THSD4: variants seen among roughly 807,000 people sequenced by gnomAD.
THSD4 encodes thrombospondin type-1 domain-containing protein 4.
Under a neutral mutation model 119.0 loss-of-function variants are expected in THSD4, and 69 were observed. That is an observed-to-expected ratio of 0.58 (90% CI 0.48 to 0.71). The LOEUF is 0.71. Among genes scored for constraint, THSD4 ranks in the 30% least tolerant of loss-of-function variants. THSD4 has a pLI of 0.00. For missense variants in THSD4, 1,393 were observed against 1,391.1 expected, an observed-to-expected ratio of 1.00 and a Z score of -0.02; for synonymous variants, 524 against 540.4, an observed-to-expected ratio of 0.97 and a Z score of 0.42.
At chr15:71,147,391 G>A (rs1433870323) in intron 2 of THSD4, among the ~76,000 whole-genome samples, 2 of 151,970 alleles carry the variant, frequency 1.3e-5, no homozygotes, top group Non-Finnish European at 2.9e-5. Flanking sequence ...AAATTTTTTT[G>A]TAGAGATGTG....
Position 71,115,872 on chromosome 15 carries a change from C to T in THSD4, c.-80+174C>T, listed in dbSNP as rs1312471767. 2.0e-5 allele frequency among the ~76,000 whole-genome samples: 3 copies of T among 151,942 alleles called. No homozygotes were observed. The highest frequency in any genetic ancestry group is 7.2e-5 in the African/African-American group (3 of 41,432). ...CTGCGCCGCTCCGGGCTCGGGGAGCCAGCGCGCGCCTGGTCCGTGCGGACG... is the reference window on the plus strand; with the variant it reads ...CTGCGCCGCTCCGGGCTCGGGGAGCTAGCGCGCGCCTGGTCCGTGCGGACG... On this transcript the variant is annotated intron_variant, in intron 1 of 17. Transcript: ENST00000261862. The surrounding 1 kb of genome is among the most constrained non-coding windows in gnomAD (Gnocchi z 4.4).
chr15:71,761,067 G>A (rs1195208232), intron 15 of THSD4, among the ~76,000 whole-genome samples: 1 of 151,974 alleles, frequency 6.6e-6, no homozygotes, highest in Non-Finnish European at 1.5e-5. Context: ...TATATTTATT[G>A]TAATCACTTA....
chr15:71,246,592 C>T (rs780729976), intron 5 of THSD4, among the ~76,000 whole-genome samples: 12 of 152,040 alleles, frequency 7.9e-5, no homozygotes, highest in African/African-American at 1.2e-4. Flanking sequence ...TTATGTCTTC[C>T]GATGTGCATG....
chr15:71,188,501 G>A (rs1351481115), intron 3 of THSD4, among the ~76,000 whole-genome samples: 1 of 152,104 alleles, frequency 6.6e-6, no homozygotes, highest in Non-Finnish European at 1.5e-5. Flanking sequence ...AAATAGCCAA[G>A]GTGAACAGGA....
chr15:71,239,289 C>T (rs1298196868), intron 4 of THSD4, among the ~76,000 whole-genome samples: 1 of 152,190 alleles, frequency 6.6e-6, no homozygotes, highest in Non-Finnish European at 1.5e-5. Flanking sequence ...ACATTACTCT[C>T]AGGTTCCTAC....
chr15:71,459,461 G>A (rs1483938823), intron 7 of THSD4, among the ~76,000 whole-genome samples: 1 of 150,832 alleles, frequency 6.6e-6, no homozygotes, highest in African/African-American at 2.4e-5. Context: ...CAGCAAAAAG[G>A]CCCAGAACTG....
intron 6 of THSD4, among the ~76,000 whole-genome samples, chr15:71,267,615 T>A (rs924856920): frequency 6.6e-6 from 1 of 151,982 alleles, no homozygotes; most frequent in Admixed American, 6.6e-5. Context: ...CATAACAATA[T>A]TAATCTTAAA....
At chr15:71,753,329 A>C (rs2053483706) in intron 14 of THSD4, among the ~76,000 whole-genome samples, 1 of 152,188 alleles carries the variant, frequency 6.6e-6, no homozygotes, top group African/African-American at 2.4e-5. Context: ...CACAACAGGA[A>C]AAAAACACTT....
intron 4 of THSD4, among the ~76,000 whole-genome samples, chr15:71,237,550 C>T (rs2044115611): frequency 6.6e-6 from 1 of 152,196 alleles, no homozygotes; most frequent in Non-Finnish European, 1.5e-5. Flanking sequence ...ACATCAGCTT[C>T]ATCTGGGAGC....
At chr15:71,291,035 A>G (rs923822987) in intron 6 of THSD4, among the ~76,000 whole-genome samples, 11 of 152,002 alleles carry the variant, frequency 7.2e-5, no homozygotes, top group African/African-American at 2.7e-4. Flanking sequence ...ATTTTTCTAG[A>G]CAATGTGAAT....
chr15:71,713,915 C>G (rs1038773268), intron 8 of THSD4, among the ~76,000 whole-genome samples: 1 of 152,104 alleles, frequency 6.6e-6, no homozygotes, highest in African/African-American at 2.4e-5. Context: ...CTGTGAGAAG[C>G]TGACTGTCCA....
At chr15:71,755,899 A>G (rs1244658436) in intron 14 of THSD4, among the ~76,000 whole-genome samples, 1 of 152,104 alleles carries the variant, frequency 6.6e-6, no homozygotes, top group African/African-American at 2.4e-5. Flanking sequence ...TGATCTGTCC[A>G]GTGAAGGGAA....
intron 5 of THSD4, among the ~76,000 whole-genome samples, chr15:71,246,292 C>T (rs549037154): frequency 6.6e-6 from 1 of 152,054 alleles, no homozygotes; most frequent in Non-Finnish European, 1.5e-5. Flanking sequence ...GGCATACCCC[C>T]CTTTAGATAG....
At chr15:71,658,175 C>T (rs1187864962) in intron 7 of THSD4, among the ~76,000 whole-genome samples, 2 of 152,188 alleles carry the variant, frequency 1.3e-5, no homozygotes, top group Non-Finnish European at 2.9e-5. Context: ...CTTCTCCAGA[C>T]ATCTGGGGGT....
chr15:71,428,277 C>T (rs1003559320), intron 7 of THSD4, among the ~76,000 whole-genome samples: 4 of 152,100 alleles, frequency 2.6e-5, no homozygotes, highest in African/African-American at 4.8e-5. Flanking sequence ...CATAATAAAA[C>T]TTTAGAAAAC....
At chr15:71,674,545 A>G (rs2051599818) in intron 8 of THSD4, among the ~76,000 whole-genome samples, 2 of 152,096 alleles carry the variant, frequency 1.3e-5, no homozygotes, top group South Asian at 4.1e-4. Flanking sequence ...AACTATGCTG[A>G]TGCCTGAGTC....
chr15:71,737,885 A>C lies in THSD4; in HGVS notation c.1784A>C (p.Asp595Ala), dbSNP rs1188321495. The C allele has an allele frequency of 6.2e-7, 1 of 1,614,234 alleles. No individual in the cohort carries two copies. The highest frequency in any genetic ancestry group is 8.5e-7 in the Non-Finnish European group (1 of 1,180,036). ...SAQTFPVRHPDRFSPHRPDNL... is the reference protein window; with the variant it reads ...SAQTFPVRHPARFSPHRPDNL... ...CAGACCTTCCCAGTCAGGCATCCAG[A>C]CAGATTTTCTCCCCATCGACCGGAC... Residue 595 changes from aspartate to alanine, a missense_variant, in exon 11 of 18, where the codon GAC (aspartate) becomes GCC (alanine). By Grantham distance (126) the Asp-to-Ala change is moderately radical. Transcript: ENST00000261862.
chr15:71,365,225 G>C lies in THSD4; in HGVS notation c.1016-46462G>C, dbSNP rs991597191. Among the ~76,000 whole-genome samples, 3 of 150,842 alleles carry C rather than the reference G, an allele frequency of 2.0e-5. No homozygotes were observed. The Admixed American group carries it at 2.0e-4, about 10-fold the overall frequency. On this transcript the variant is annotated intron_variant, in intron 6 of 17. Transcript: ENST00000261862. Reference sequence around the variant, plus strand: ...GGCAAGCCAATGACCCATGTGATTGGGTGTGTAGTGACTAAAGGACTTTGC... The same window carrying C: ...GGCAAGCCAATGACCCATGTGATTGCGTGTGTAGTGACTAAAGGACTTTGC...
chr15:71,207,995 A>G (rs2043859235), intron 3 of THSD4, among the ~76,000 whole-genome samples: 1 of 152,248 alleles, frequency 6.6e-6, no homozygotes, highest in South Asian at 2.1e-4. Flanking sequence ...GAGGCACATC[A>G]GAGAGCAATT....
Sources: allele counts gnomAD v4.1 joint callset (sites outside exome capture counted in the v4.1 genomes callset), GRCh38; gene constraint gnomAD v4.1.1; non-coding constraint Gnocchi (gnomAD v3.1); transcripts MANE v1.5; gene names NCBI Gene and HGNC (gene_info 2026-07-23, HGNC 2026-07-21).